Variants in DROSHA observed in about 807,000 individuals in gnomAD.
DROSHA encodes ribonuclease 3.
A neutral mutation model predicts 181.9 loss-of-function variants in DROSHA; 56 were observed. The observed-to-expected ratio is 0.31, with a 90% CI of 0.25 to 0.38. DROSHA has a LOEUF of 0.38. Among genes scored for constraint, DROSHA ranks in the 10% least tolerant of loss-of-function variants. DROSHA has a pLI of 1.00. For missense variants in DROSHA, 1,218 were observed against 1,743.5 expected (o/e 0.70, Z 5.37); for synonymous variants, 524 against 591.2 (o/e 0.89, Z 1.65).
intron 6 of DROSHA, among the ~76,000 whole-genome samples, chr5:31,520,738 G>A (rs946442834): frequency 1.3e-5 from 2 of 152,080 alleles, no homozygotes; most frequent in African/African-American, 4.8e-5. Flanking sequence ...TAAGTTTTGG[G>A]TGATAGCAAT....
chr5:31,423,264 T>C (rs906751764), intron 28 of DROSHA: 1 of 169,086 alleles, frequency 5.9e-6, no homozygotes, highest in Admixed American at 5.9e-5. Flanking sequence ...AAAATATATA[T>C]ATCTAGTAAA....
At chr5:31,405,498 T>A (rs1740531902) in intron 35 of DROSHA, among the ~76,000 whole-genome samples, 179 bp downstream of exon 35, 1 of 152,140 alleles carries the variant, frequency 6.6e-6, no homozygotes, top group South Asian at 2.1e-4. Context: ...CTTTTATTTT[T>A]AAATATAAGC....
chr5:31,433,818 G>C (rs1431032016), intron 25 of DROSHA, among the ~76,000 whole-genome samples: 1 of 152,192 alleles, frequency 6.6e-6, no homozygotes, highest in African/African-American at 2.4e-5. Flanking sequence ...CTGTAATCAT[G>C]CTGGGATTAC....
At chr5:31,427,210 G>A (rs1293469456) in intron 27 of DROSHA, among the ~76,000 whole-genome samples, 2 of 152,130 alleles carry the variant, frequency 1.3e-5, no homozygotes, top group African/African-American at 2.4e-5. Flanking sequence ...GGACAGCTGT[G>A]TAAAGAGAAA....
chr5:31,463,107 A>C (rs968037998), intron 20 of DROSHA, among the ~76,000 whole-genome samples: 5 of 152,162 alleles, frequency 3.3e-5, no homozygotes, highest in African/African-American at 4.8e-5. Context: ...AATGGCCCTG[A>C]GAGAGAATCA....
rs1291264597 is a variant in DROSHA, at chr5:31,484,953, C to A, written c.1924G>T (p.Val642Leu). ...IEEMMPENFC[V>L]KGLELFSLFL... ...AGTGAAAAGAGTTCAAGCCCTTTCA[C>A]ACAAAAATTCTGAAAAATAAACCAA... Residue 642 changes from valine to leucine, a missense_variant, in exon 15 of 36, where the codon GTG (valine) becomes TTG (leucine). Val to Leu is a conservative substitution (Grantham distance 32). This residue lies in a region of DROSHA where 460 missense variants were observed against 774.2 expected (regional missense o/e 0.59). Transcript: ENST00000344624. 3 of 1,539,184 alleles carry A rather than the reference C, an allele frequency of 1.9e-6. No homozygotes were observed. The African/African-American group carries it at 4.2e-5, about 21-fold the overall frequency.
rs907768787 is a variant in DROSHA, at chr5:31,502,041, G to A, written c.1668+2514C>T. On this transcript the variant is annotated intron_variant, in intron 11 of 35. Transcript: ENST00000344624. The stretch of plus-strand genomic sequence containing the variant: ...GGAATGCCAAGACATCCCCTCCAAA[G>A]TAAAAGACAATTATTGCATCTTCCA... Among the ~76,000 whole-genome samples the A allele has an allele frequency of 5.3e-5, 8 of 152,234 alleles. 1 individual carries two copies. The highest frequency in any genetic ancestry group is 1.5e-5 in the Non-Finnish European group (1 of 68,036).
chr5:31,453,723 T>C lies in DROSHA; in HGVS notation c.2575-2083A>G, dbSNP rs1258382836. On this transcript the variant is annotated intron_variant, in intron 20 of 35. Coordinates refer to ENST00000344624, the MANE Select transcript of DROSHA (RefSeq NM_001382508.1). ...CTCTAAACCTGCTCCAAACAAAGCC[T>C]GTTTCTCCTTCCAAATAACCCTTTC... Among the ~76,000 whole-genome samples the C allele has an allele frequency of 2.0e-5, 3 of 152,156 alleles. No individual in the cohort carries two copies. The East Asian group carries it at 5.8e-4, about 29-fold the overall frequency.
intron 13 of DROSHA, among the ~76,000 whole-genome samples, chr5:31,490,274 T>C (rs956469683): frequency 4.0e-5 from 6 of 151,432 alleles, no homozygotes; most frequent in Non-Finnish European, 5.9e-5. Flanking sequence ...TTCAAATTCC[T>C]GGGCTGAAGT....
intron 20 of DROSHA, among the ~76,000 whole-genome samples, chr5:31,455,078 A>G (rs1018346936): frequency 2.4e-4 from 36 of 152,218 alleles, no homozygotes; most frequent in African/African-American, 8.4e-4. Context: ...GATTAGAGGA[A>G]AGGAAGATTT....
Position 31,435,550 on chromosome 5 carries a change from C to T in DROSHA, c.3042+215G>A, listed in dbSNP as rs138997317. On this transcript the variant is annotated intron_variant, in intron 25 of 35. Transcript: ENST00000344624. Reference sequence around the variant, plus strand: ...TTCTTCATCTGTTCTCAAGTTACCTCACTGTGGAGTTCATTAGCTGCTGGT... The same window carrying T: ...TTCTTCATCTGTTCTCAAGTTACCTTACTGTGGAGTTCATTAGCTGCTGGT... 2.3e-3 allele frequency among the ~76,000 whole-genome samples: 356 copies of T among 152,324 alleles called. 2 individuals carry two copies. Among genetic ancestry groups the T allele is most frequent in the African/African-American group, 8.1e-3 (337 of 41,568 alleles).
chr5:31,406,682 T>C (rs184895123), intron 34 of DROSHA, among the ~76,000 whole-genome samples, 171 bp downstream of exon 34: 3 of 152,298 alleles, frequency 2.0e-5, no homozygotes, highest in Non-Finnish European at 4.4e-5. Flanking sequence ...GGCTCGGCTT[T>C]GAGACAATTA....
chr5:31,521,288 A>G (rs1471094881), intron 5 of DROSHA, 73 bp from the exon 6 acceptor site: 2 of 1,516,018 alleles, frequency 1.3e-6, no homozygotes, highest in African/African-American at 2.8e-5. Context: ...CACTGAATTC[A>G]TCTTGTAAAT....
At chr5:31,471,345 G>C (rs1244744475) in intron 17 of DROSHA, among the ~76,000 whole-genome samples, 1 of 151,944 alleles carries the variant, frequency 6.6e-6, no homozygotes, top group African/African-American at 2.4e-5. Context: ...ATCCTTATAA[G>C]ATGCCAACAT....
chr5:31,463,947 A>G, intron 20 of DROSHA: 1 of 332,818 alleles, frequency 3.0e-6, no homozygotes, highest in South Asian at 5.2e-5. Context: ...GAGCAGATGC[A>G]TGAGGACAGA....
At chr5:31,495,750 T>C (rs1003835444) in intron 11 of DROSHA, among the ~76,000 whole-genome samples, 4 of 152,184 alleles carry the variant, frequency 2.6e-5, no homozygotes, top group African/African-American at 9.7e-5. Flanking sequence ...TTGGTGTTCT[T>C]CCATCTGGGT....
chr5:31,503,122 G>C (rs911587023), intron 11 of DROSHA, among the ~76,000 whole-genome samples: 1 of 152,084 alleles, frequency 6.6e-6, no homozygotes, highest in East Asian at 1.9e-4. Flanking sequence ...GTACCAAGCA[G>C]ACAAAATGAC....
Position 31,448,538 on chromosome 5 carries a change from C to A in DROSHA, c.2882+9G>T. ...ATCAATCAGGTTGTTTATTAAAAATCAACTTTACCTCGAGGGAGTTGGGTC... is the reference window on the plus strand; with the variant it reads ...ATCAATCAGGTTGTTTATTAAAAATAAACTTTACCTCGAGGGAGTTGGGTC... On this transcript the variant is annotated intron_variant, in intron 23 of 35. Transcript: ENST00000344624. The A allele has an allele frequency of 6.2e-7, 1 of 1,610,748 alleles. No homozygotes were observed. The highest frequency in any genetic ancestry group is 1.1e-5 in the South Asian group (1 of 90,958).
rs375079038 is a variant in DROSHA, at chr5:31,422,849, A to C, written c.3357T>G (p.Thr1119=). 15 of 1,613,750 alleles carry C rather than the reference A, an allele frequency of 9.3e-6. No individual in the cohort carries two copies. In the African/African-American group the frequency reaches 1.7e-4, roughly 19 times the overall value. Residue 1119 remains threonine (T), a synonymous_variant, in exon 29 of 36, where the codon ACT becomes ACG. Coordinates refer to ENST00000344624, the MANE Select transcript of DROSHA (RefSeq NM_001382508.1). ...ATGCCCTTGCCAGAAGTCGAACATG[A>C]GTAAAAATTACTCCAATTGCTTCTT... The part of the protein sequence containing the change: ...EFEEAIGVIF[T]HVRLLARAFT...
Sources: allele counts gnomAD v4.1 joint callset (sites outside exome capture counted in the v4.1 genomes callset), GRCh38; gene constraint gnomAD v4.1.1; regional missense constraint gnomAD v4.1.1; transcripts MANE v1.5; gene names NCBI Gene and HGNC (gene_info 2026-07-23, HGNC 2026-07-21).